The following CCSER1 variants were observed in gnomAD, a reference collection of about 807,000 sequenced individuals.
CCSER1 encodes coiled-coil serine rich protein 1.
Under a neutral mutation model 82.0 loss-of-function variants are expected in CCSER1, and 41 were observed. That is an observed-to-expected ratio of 0.50 (90% CI 0.39 to 0.65). The LOEUF (loss-of-function observed/expected upper bound fraction) is 0.65, where lower values mean the gene tolerates loss of function less well. Ranked by LOEUF, CCSER1 falls within the 30% of genes least tolerant of loss-of-function variation. The pLI, the probability that CCSER1 is intolerant of heterozygous loss-of-function variation, is 0.00. For synonymous variants in CCSER1, 414 were observed against 383.9 expected (o/e 1.08, Z -0.92); for missense variants, 1,119 against 1,064.2 (o/e 1.05, Z -0.72).
At chr4:90,579,229 A>C (rs181383296) in intron 5 of CCSER1, among the ~76,000 whole-genome samples, 25 of 152,262 alleles carry the variant, frequency 1.6e-4, no homozygotes, top group African/African-American at 6.0e-4. Flanking sequence ...TACTCCAACT[A>C]ATATTTTCAA....
At chr4:91,201,446 A>T (rs934974673) in intron 10 of CCSER1, among the ~76,000 whole-genome samples, 3 of 152,100 alleles carry the variant, frequency 2.0e-5, no homozygotes, top group African/African-American at 7.2e-5. Context: ...GGGTCACACA[A>T]CCTACAACTA....
At chr4:90,788,851 C>G (rs1754866021) in intron 7 of CCSER1, among the ~76,000 whole-genome samples, 1 of 152,170 alleles carries the variant, frequency 6.6e-6, no homozygotes, top group African/African-American at 2.4e-5. Flanking sequence ...CCTTGGTTTA[C>G]AGATAGTTCT....
intron 1 of CCSER1, among the ~76,000 whole-genome samples, chr4:90,179,717 A>G (rs527264449): frequency 9.1e-4 from 138 of 152,314 alleles, no homozygotes; most frequent in Admixed American, 2.2e-3. Flanking sequence ...CTAGTTGTGG[A>G]TGTCCAGTAA....
At chr4:91,005,480 G>T (rs147986825) in intron 9 of CCSER1, among the ~76,000 whole-genome samples, 306 of 152,044 alleles carry the variant, frequency 2.0e-3, no homozygotes, top group Middle Eastern at 6.8e-3. Flanking sequence ...TCTTCAGATT[G>T]TTAAACACTA....
At chr4:91,190,674 G>T (rs886090156) in intron 10 of CCSER1, among the ~76,000 whole-genome samples, 1 of 152,168 alleles carries the variant, frequency 6.6e-6, no homozygotes, top group Non-Finnish European at 1.5e-5. Flanking sequence ...AGAAATAAAT[G>T]CCATTGTGTT....
intron 9 of CCSER1, among the ~76,000 whole-genome samples, chr4:90,954,302 C>A (rs1477321563): frequency 1.3e-5 from 2 of 151,980 alleles, no homozygotes; most frequent in African/African-American, 4.8e-5. Context: ...TGTATTCCTT[C>A]TCTCCAAAAC....
chr4:91,304,416 T>A (rs1012068383), intron 10 of CCSER1, among the ~76,000 whole-genome samples: 14 of 152,112 alleles, frequency 9.2e-5, no homozygotes, highest in Non-Finnish European at 1.8e-4. Flanking sequence ...ATTAGTTAAC[T>A]TTGTCAGGCT....
chr4:90,650,842 A>G (rs1560884976), intron 6 of CCSER1, among the ~76,000 whole-genome samples: 1 of 152,158 alleles, frequency 6.6e-6, no homozygotes, highest in Non-Finnish European at 1.5e-5. Context: ...TCTATAACCA[A>G]TGCTCTAGTC....
intron 10 of CCSER1, among the ~76,000 whole-genome samples, chr4:91,242,989 G>C (rs1739487593): frequency 1.3e-5 from 2 of 152,130 alleles, no homozygotes; most frequent in Admixed American, 1.3e-4. Flanking sequence ...AACTTCATAT[G>C]GCTAAAAGAG....
At chr4:90,411,720 G>T (rs1466708084) in intron 4 of CCSER1, among the ~76,000 whole-genome samples, 1 of 152,170 alleles carries the variant, frequency 6.6e-6, no homozygotes, top group African/African-American at 2.4e-5. Context: ...ACAAGACAGG[G>T]ATGCCCTCTC....
At chr4:91,074,415 G>A (rs1721747564) in intron 9 of CCSER1, among the ~76,000 whole-genome samples, 1 of 152,188 alleles carries the variant, frequency 6.6e-6, no homozygotes, top group Non-Finnish European at 1.5e-5. Flanking sequence ...GCATGTTGCA[G>A]TTAACGATGG....
chr4:90,751,256 G>T (rs1748609747), intron 7 of CCSER1, among the ~76,000 whole-genome samples: 1 of 152,076 alleles, frequency 6.6e-6, no homozygotes, highest in South Asian at 2.1e-4. Context: ...TACAGGATGA[G>T]ATTTGTTAAT....
intron 10 of CCSER1, among the ~76,000 whole-genome samples, chr4:91,248,824 T>C (rs1000753025): frequency 6.6e-6 from 1 of 152,314 alleles, no homozygotes; most frequent in African/African-American, 2.4e-5. Flanking sequence ...ATATAAGATA[T>C]TATTGTGGAT....
intron 1 of CCSER1, among the ~76,000 whole-genome samples, chr4:90,141,939 G>C (rs1039685845): frequency 1.3e-5 from 2 of 152,118 alleles, no homozygotes; most frequent in Non-Finnish European, 2.9e-5. Context: ...ACCTGTACTC[G>C]ACCTTTGCAA....
chr4:90,486,404 C>T (rs1170835673), intron 5 of CCSER1, among the ~76,000 whole-genome samples: 1 of 152,202 alleles, frequency 6.6e-6, no homozygotes, highest in Non-Finnish European at 1.5e-5. Context: ...CACTTTTCTA[C>T]ATTTACCCCT....
rs375746036 is a variant in CCSER1, at chr4:90,299,971, TG to T, written c.-41-8272del. Among the ~76,000 whole-genome samples the T allele has an allele frequency of 3.8e-3, 582 of 152,250 alleles. 5 individuals carry two copies. Among genetic ancestry groups the T allele is most frequent in the African/African-American group, 0.013 (533 of 41,542 alleles). ...AAATTATTACCTAGGAAATATCTGT[TG>T]TTTTTTTGGGGATCTTCTTTTATTT... On this transcript the variant is annotated intron_variant, in intron 1 of 10. Coordinates refer to ENST00000509176, the MANE Select transcript of CCSER1 (RefSeq NM_001145065.2).
At chr4:90,626,830 G>A (rs770463997) in intron 5 of CCSER1, among the ~76,000 whole-genome samples, 3 of 152,060 alleles carry the variant, frequency 2.0e-5, no homozygotes, top group Non-Finnish European at 4.4e-5. Flanking sequence ...ACTGCCTGAG[G>A]TTCAATAAGA....
intron 10 of CCSER1, among the ~76,000 whole-genome samples, chr4:91,468,388 G>A (rs555369039): frequency 6.6e-6 from 1 of 151,942 alleles, no homozygotes; most frequent in East Asian, 1.9e-4. Flanking sequence ...AGCATTAGGA[G>A]ATATACCTAA....
chr4:90,951,951 T>TAC (rs1732962329), intron 9 of CCSER1, among the ~76,000 whole-genome samples: 1 of 151,504 alleles, frequency 6.6e-6, no homozygotes, highest in Admixed American at 6.6e-5. Context: ...CGCACACACA[T>TAC]ACAGACACAC....
Sources: gnomAD v4.1 joint callset for allele counts (sites outside exome capture counted in the v4.1 genomes callset) on GRCh38, gnomAD v4.1.1 for gene constraint, MANE v1.5 for transcripts, NCBI Gene and HGNC (gene_info 2026-07-23, HGNC 2026-07-21) for gene names.